The following EBF3 variants were observed in gnomAD, a reference collection of about 807,000 sequenced individuals.
EBF3 encodes the protein EBF transcription factor 3.
EBF3 carries 18 observed loss-of-function variants against 77.1 expected under a neutral mutation model. The observed-to-expected ratio is 0.23, with a 90% CI of 0.16 to 0.35. EBF3 has a LOEUF of 0.35. Among genes scored for constraint, EBF3 ranks in the 10% least tolerant of loss-of-function variants. The pLI is 1.00. For synonymous variants in EBF3, 350 were observed against 343.5 expected (o/e 1.02, Z -0.21); for missense variants, 558 against 860.0 (o/e 0.65, Z 4.39).
intron 6 of EBF3, among the ~76,000 whole-genome samples, chr10:129,888,367 T>A (rs1352622335): frequency 1.3e-5 from 2 of 152,220 alleles, no homozygotes; most frequent in African/African-American, 4.8e-5. Context: ...GGGGGCAGGA[T>A]TTAAAGAGGT....
At chr10:129,878,817 C>T (rs1223318703) in intron 6 of EBF3, among the ~76,000 whole-genome samples, 1 of 39,640 alleles carries the variant, frequency 2.5e-5, no homozygotes, top group Non-Finnish European at 6.7e-5. Flanking sequence ...CAGTGAAAAT[C>T]GGTCTCAAAA....
chr10:129,910,615 G>A (rs1254413992), intron 6 of EBF3, among the ~76,000 whole-genome samples: 3 of 152,056 alleles, frequency 2.0e-5, no homozygotes, highest in East Asian at 1.9e-4. Flanking sequence ...CCAGGTGTAC[G>A]GATTGTCCAC....
At chr10:129,942,854 G>A (rs559355070) in intron 6 of EBF3, among the ~76,000 whole-genome samples, 21 of 152,304 alleles carry the variant, frequency 1.4e-4, no homozygotes, top group Admixed American at 4.6e-4. Flanking sequence ...AAATTGGGGT[G>A]GGAGGGACAG....
rs776200858 is a variant in EBF3 at position 129,867,227 on chromosome 10, C to T, written c.953G>A (p.Arg318Lys). ...PHAIRVQTPP[R>K]HIPGVVEVTL... ...CACTTCGACGACGCCAGGAATGTGC[C>T]TCGGCGGGGTCTGGACTCGGATGGC... The change falls in exon 10 of 17, where the codon AGG becomes AAG. Residue 318 changes from arginine to lysine, a missense_variant. By Grantham distance (26) the Arg-to-Lys change is conservative. Around this residue, in one of 5 missense-constraint regions of EBF3, gnomAD observed 112 missense variants for 207.7 expected, o/e 0.54. Coordinates refer to ENST00000440978, the MANE Select transcript of EBF3 (RefSeq NM_001375380.1). 1 of 1,614,130 alleles carries T rather than the reference C, an allele frequency of 6.2e-7. No individual in the cohort carries two copies. The highest frequency in any genetic ancestry group is 8.5e-7 in the Non-Finnish European group (1 of 1,180,010).
chr10:129,849,348 C>T (rs1044661880), intron 10 of EBF3, among the ~76,000 whole-genome samples: 2 of 152,238 alleles, frequency 1.3e-5, no homozygotes, highest in Non-Finnish European at 2.9e-5. Context: ...CGTGGAGTCA[C>T]TCCACGGTGC....
At chr10:129,957,103 C>T (rs1859094829) in intron 6 of EBF3, among the ~76,000 whole-genome samples, 155 bp downstream of exon 6, 1 of 152,180 alleles carries the variant, frequency 6.6e-6, no homozygotes, top group African/African-American at 2.4e-5. Context: ...GTCAACCCAC[C>T]TGTGCATGAT....
chr10:129,943,950 G>A lies in EBF3; in HGVS notation c.554+13308C>T, dbSNP rs1463233644. Among the ~76,000 whole-genome samples, 1 of 152,202 alleles carries A rather than the reference G, an allele frequency of 6.6e-6. No homozygotes were observed. The highest frequency in any genetic ancestry group is 1.5e-5 in the Non-Finnish European group (1 of 68,042). On this transcript the variant is annotated intron_variant, in intron 6 of 16. Coordinates refer to ENST00000440978, the MANE Select transcript of EBF3 (RefSeq NM_001375380.1). The surrounding 1 kb of genome is among the most constrained non-coding windows in gnomAD (Gnocchi z 8.8). The stretch of plus-strand genomic sequence containing the variant: ...GTCGCTCTGAGGGTGCAGCGCGTGT[G>A]TCCATGGGTAAAATATCTCCCCAGA...
At chr10:129,908,005 A>G (rs1489024491) in intron 6 of EBF3, among the ~76,000 whole-genome samples, 1 of 152,226 alleles carries the variant, frequency 6.6e-6, no homozygotes, top group Non-Finnish European at 1.5e-5. Flanking sequence ...CCATGGATCC[A>G]TAAGACACAG....
intron 6 of EBF3, among the ~76,000 whole-genome samples, chr10:129,891,725 C>T (rs1471212309): frequency 6.6e-6 from 1 of 152,116 alleles, no homozygotes; most frequent in Non-Finnish European, 1.5e-5. Context: ...GGAGGTGATG[C>T]CATGTATTAC....
chr10:129,913,450 T>A lies in EBF3; in HGVS notation c.555-35601A>T, dbSNP rs1170473252. Among the ~76,000 whole-genome samples, 3 of 152,352 alleles carry A rather than the reference T, an allele frequency of 2.0e-5. No individual in the cohort carries two copies. In the East Asian group the frequency reaches 5.8e-4, roughly 29 times the overall value. Reference sequence around the variant, plus strand: ...AGCAGCATCCTCTTCTTTTCTTGGATGAATAAACATGGATAGTTTATTGCT... The same window carrying A: ...AGCAGCATCCTCTTCTTTTCTTGGAAGAATAAACATGGATAGTTTATTGCT... On this transcript the variant is annotated intron_variant, in intron 6 of 16. Transcript: ENST00000440978.
chr10:129,926,627 C>G lies in EBF3; in HGVS notation c.554+30631G>C, dbSNP rs537926518. Among the ~76,000 whole-genome samples, 651 of 152,262 alleles carry G rather than the reference C, an allele frequency of 4.3e-3. 6 individuals carry two copies. Among genetic ancestry groups the G allele is most frequent in the South Asian group, 0.023 (110 of 4,820 alleles). Reference sequence around the variant, plus strand: ...GGAGGGGGCTGGGCAGACTGGAGCACCCACTGGCACCTTCAAGGGCGGCTG... The same window carrying G: ...GGAGGGGGCTGGGCAGACTGGAGCAGCCACTGGCACCTTCAAGGGCGGCTG... On this transcript the variant is annotated intron_variant, in intron 6 of 16. Transcript: ENST00000440978.
At chr10:129,914,298 C>CAG (rs372012357) in intron 6 of EBF3, among the ~76,000 whole-genome samples, 29 of 152,290 alleles carry the variant, frequency 1.9e-4, no homozygotes, top group African/African-American at 4.8e-4. Context: ...TTTCCCTTGG[C>CAG]AGGGGCACGG....
chr10:129,916,516 T>C (rs1019544736), intron 6 of EBF3, among the ~76,000 whole-genome samples: 1 of 152,166 alleles, frequency 6.6e-6, no homozygotes, highest in Non-Finnish European at 1.5e-5. Flanking sequence ...GTTTCCGAAA[T>C]TAGGCACAGC....
chr10:129,936,285 T>A (rs897787752), intron 6 of EBF3, among the ~76,000 whole-genome samples: 1 of 152,114 alleles, frequency 6.6e-6, no homozygotes, highest in Non-Finnish European at 1.5e-5. Flanking sequence ...AACCAGGACA[T>A]AACCCCTGCC....
chr10:129,954,697 C>T (rs141168534), intron 6 of EBF3, among the ~76,000 whole-genome samples: 101 of 152,252 alleles, frequency 6.6e-4, no homozygotes, highest in African/African-American at 2.2e-3. Flanking sequence ...GACAAATATG[C>T]CTTATCTGGT....
At chr10:129,955,688 C>T (rs1858984158) in intron 6 of EBF3, among the ~76,000 whole-genome samples, 1 of 152,196 alleles carries the variant, frequency 6.6e-6, no homozygotes, top group Admixed American at 6.5e-5. Context: ...GAAGGGAAAA[C>T]ACAGCATCCA....
intron 7 of EBF3, among the ~76,000 whole-genome samples, chr10:129,875,876 A>G (rs1028260736): frequency 4.6e-5 from 7 of 152,018 alleles, no homozygotes; most frequent in Non-Finnish European, 1.0e-4. Flanking sequence ...CTTGTGTTCT[A>G]CCTCCCAGGC....
At chr10:129,953,244 A>G (rs1025965334) in intron 6 of EBF3, among the ~76,000 whole-genome samples, 1 of 152,170 alleles carries the variant, frequency 6.6e-6, no homozygotes, top group Admixed American at 6.5e-5. Flanking sequence ...ACAATGTGAA[A>G]TCACAGACAA....
rs751553455 is a variant in EBF3, at chr10:129,841,031, G to A, written c.1374C>T (p.Val458=). The A allele has an allele frequency of 8.0e-5, 126 of 1,571,972 alleles. No homozygotes were observed. Among genetic ancestry groups the A allele is most frequent in the Non-Finnish European group, 9.8e-5 (113 of 1,157,866 alleles). Residue 458 remains valine, a splice_region_variant and synonymous_variant, in exon 14 of 17, where the codon GTC becomes GTT. Coordinates refer to ENST00000440978, the MANE Select transcript of EBF3 (RefSeq NM_001375380.1). The surrounding 1 kb of genome is among the most constrained non-coding windows in gnomAD (Gnocchi z 4.6). ...CGCTGCTTGTATTGCGACTGTAGCC[G>A]ACTGTTGAAATCCCCCCCCCGGCCA... ...VSETSQANDQ[V]GYSRNTSSVS...
Sources: allele counts gnomAD v4.1 joint callset (sites outside exome capture counted in the v4.1 genomes callset), GRCh38; gene constraint gnomAD v4.1.1; regional missense constraint gnomAD v4.1.1; non-coding constraint Gnocchi (gnomAD v3.1); transcripts MANE v1.5; gene names NCBI Gene and HGNC (gene_info 2026-07-23, HGNC 2026-07-21).